The following GRIK1 variants were observed in gnomAD, a reference collection of about 807,000 sequenced individuals.
GRIK1 encodes glutamate receptor ionotropic, kainate 1.
A neutral mutation model predicts 105.7 loss-of-function variants in GRIK1; 69 were observed. That is an observed-to-expected ratio of 0.65 (90% CI 0.54 to 0.80). GRIK1 has a LOEUF of 0.80. Among genes scored for constraint, GRIK1 ranks in the 30% least tolerant of loss-of-function variants. GRIK1 has a pLI of 0.00. For missense variants in GRIK1, 1,109 were observed against 1,167.3 expected (o/e 0.95, Z 0.73); for synonymous variants, 438 against 431.3 (o/e 1.02, Z -0.19).
chr21:29,760,063 T>A (rs1056173411), intron 1 of GRIK1: 4 of 152,246 alleles, frequency 2.6e-5, no homozygotes, highest in African/African-American at 9.6e-5. Flanking sequence ...CTTCTGTTTA[T>A]AGGTGAGAAA....
At chr21:29,541,210 C>A (rs879256419) in intron 16 of GRIK1, among the ~76,000 whole-genome samples, 3 of 152,164 alleles carry the variant, frequency 2.0e-5, no homozygotes, top group African/African-American at 7.2e-5. Flanking sequence ...TCATGATCCA[C>A]CCCCCTTGGC....
At chr21:29,730,007 C>A (rs988515171) in intron 1 of GRIK1, among the ~76,000 whole-genome samples, 1 of 152,188 alleles carries the variant, frequency 6.6e-6, no homozygotes, top group Non-Finnish European at 1.5e-5. Context: ...ACTATTATAG[C>A]AAACATGTCA....
intron 1 of GRIK1, among the ~76,000 whole-genome samples, chr21:29,782,285 A>T (rs1204038278): frequency 6.6e-6 from 1 of 151,322 alleles, no homozygotes; most frequent in Non-Finnish European, 1.5e-5. Flanking sequence ...ACAGGGTTTC[A>T]CCGTGTTAGC....
At chr21:29,691,974 G>A (rs868672414) in intron 2 of GRIK1, among the ~76,000 whole-genome samples, 3 of 152,118 alleles carry the variant, frequency 2.0e-5, no homozygotes, top group Admixed American at 6.5e-5. Context: ...TTATTTTCTG[G>A]TTAGGTTTTC....
At position 29,939,725 on chromosome 21, in the gene GRIK1, C is replaced by T. The variant is rs746514765; in HGVS notation, c.-225G>A. Reference sequence around the variant, plus strand: ...CCTCAGTGCTGTCGCTAGCCCATCACGGCTCCTCCTCCTCCTCTTCCATGG... The same window carrying T: ...CCTCAGTGCTGTCGCTAGCCCATCATGGCTCCTCCTCCTCCTCTTCCATGG... On this transcript the variant is annotated 5_prime_UTR_variant, in exon 1 of 18. The change creates a new upstream start codon in the 5' untranslated region. Transcript: ENST00000327783. 57 of 415,782 alleles carry T rather than the reference C, an allele frequency of 1.4e-4. No homozygotes were observed. The highest frequency in any genetic ancestry group is 2.3e-4 in the Non-Finnish European group (55 of 236,036). 25.8% of individuals were successfully genotyped at this position (415,782 alleles called of 1,614,324 possible).
intron 7 of GRIK1, among the ~76,000 whole-genome samples, chr21:29,636,054 A>G (rs2062392232): frequency 6.6e-6 from 1 of 152,170 alleles, no homozygotes; most frequent in Non-Finnish European, 1.5e-5. Context: ...AGCCCAGCCC[A>G]GCGAGATCTG....
Position 29,687,222 on chromosome 21 carries a change from C to T in GRIK1, c.544+2506G>A, listed in dbSNP as rs572541209. Among the ~76,000 whole-genome samples, 5 of 152,290 alleles carry T rather than the reference C, an allele frequency of 3.3e-5. 1 individual carries two copies. Among genetic ancestry groups the T allele is most frequent in the African/African-American group, 1.2e-4 (5 of 41,560 alleles). ...CCGCGACATCTGTGTTGGCTTCAGGCTATTTAACAAACTCCTAAACAAATC... is the reference window on the plus strand; with the variant it reads ...CCGCGACATCTGTGTTGGCTTCAGGTTATTTAACAAACTCCTAAACAAATC... On this transcript the variant is annotated intron_variant, in intron 3 of 17. Coordinates refer to ENST00000327783, the MANE Select transcript of GRIK1 (RefSeq NM_001330994.2).
chr21:29,926,726 T>A (rs1183019216), intron 1 of GRIK1, among the ~76,000 whole-genome samples: 1 of 152,212 alleles, frequency 6.6e-6, no homozygotes, highest in Middle Eastern at 3.4e-3. Flanking sequence ...GATTTCTGGG[T>A]CTGATTTCTT....
At chr21:29,546,360 G>A (rs919474994) in intron 16 of GRIK1, among the ~76,000 whole-genome samples, 2 of 152,252 alleles carry the variant, frequency 1.3e-5, no homozygotes, top group Non-Finnish European at 2.9e-5. Flanking sequence ...CTGCCATTCC[G>A]GAGACAGTGG....
chr21:29,791,274 T>C (rs1413188218), intron 1 of GRIK1, among the ~76,000 whole-genome samples: 2 of 151,822 alleles, frequency 1.3e-5, no homozygotes, highest in Admixed American at 6.6e-5. Context: ...GCTGGAGATA[T>C]CTCCCGATTA....
intron 12 of GRIK1, among the ~76,000 whole-genome samples, chr21:29,582,042 G>T: frequency 6.6e-6 from 1 of 152,152 alleles, no homozygotes; most frequent in Non-Finnish European, 1.5e-5. Flanking sequence ...GAGTCTAAGT[G>T]GTGGTCTAGC....
chr21:29,740,198 T>C (rs1306969602), intron 1 of GRIK1, among the ~76,000 whole-genome samples: 2 of 151,524 alleles, frequency 1.3e-5, no homozygotes, highest in Non-Finnish European at 1.5e-5. Flanking sequence ...CCACTGCTCC[T>C]CATGCTGCCC....
intron 4 of GRIK1, among the ~76,000 whole-genome samples, chr21:29,672,021 C>T (rs948466580): frequency 4.6e-5 from 7 of 151,696 alleles, no homozygotes; most frequent in African/African-American, 1.2e-4. Context: ...GGGTGAGAAG[C>T]ACCAGTCTGC....
At chr21:29,553,549 A>G (rs1394539171) in intron 16 of GRIK1, 1 of 1,527,786 alleles carries the variant, frequency 6.5e-7, no homozygotes, top group Non-Finnish European at 8.8e-7. Flanking sequence ...TTTTTTTTTA[A>G]ACTGATTACA....
intron 1 of GRIK1, among the ~76,000 whole-genome samples, chr21:29,923,211 C>G (rs1323084849): frequency 6.6e-6 from 1 of 152,028 alleles, no homozygotes; most frequent in African/African-American, 2.4e-5. Flanking sequence ...TTCAAAAGGC[C>G]CTAGAGAAGT....
chr21:29,635,057 G>T (rs1186514395), intron 7 of GRIK1, among the ~76,000 whole-genome samples: 1 of 152,180 alleles, frequency 6.6e-6, no homozygotes, highest in African/African-American at 2.4e-5. Context: ...AGGGCAGTGG[G>T]CAAAGAAGGT....
rs916830428 is a variant in GRIK1 at position 29,598,930 on chromosome 21, C to T, written c.1106G>A (p.Trp369Ter). The T allele has an allele frequency of 1.3e-6, 2 of 1,533,016 alleles. No homozygotes were observed. Among genetic ancestry groups the T allele is most frequent in the Non-Finnish European group, 1.8e-6 (2 of 1,118,814 alleles). 95.0% of individuals were successfully genotyped at this position (1,533,016 alleles called of 1,614,324 possible). A position where few individuals can be genotyped will look rare whatever the true frequency, so the allele number is the denominator to read the frequency against. The change falls in exon 8 of 18, where the codon TGG (tryptophan) becomes TAG (stop). Residue 369 changes from tryptophan (W) to a stop codon, truncating the protein, a stop_gained. Transcript: ENST00000327783. LOFTEE classifies it high-confidence loss of function. The part of the protein sequence containing the change: ...RFMNLIKEAR[W>*]DGLTGHITFN... Reference sequence around the variant, plus strand: ...GGTGATATGCCCAGTCAAGCCATCCCACCGGGCCTGTGGACAAGAAGAAAT... The same window carrying T: ...GGTGATATGCCCAGTCAAGCCATCCTACCGGGCCTGTGGACAAGAAGAAAT...
chr21:29,860,781 A>G (rs1308393166), intron 1 of GRIK1, among the ~76,000 whole-genome samples: 1 of 152,220 alleles, frequency 6.6e-6, no homozygotes, highest in Non-Finnish European at 1.5e-5. Context: ...ATCTAGATCC[A>G]TAGTTTTCAA....
chr21:29,685,028 T>TTGTC (rs1020300209), intron 3 of GRIK1, among the ~76,000 whole-genome samples: 15 of 152,294 alleles, frequency 9.8e-5, no homozygotes, highest in Admixed American at 7.9e-4. Flanking sequence ...GTTTATCTCC[T>TTGTC]TGTCTGTCTG....
Sources: gnomAD v4.1 joint callset for allele counts (sites outside exome capture counted in the v4.1 genomes callset) on GRCh38, gnomAD v4.1.1 for gene constraint, MANE v1.5 for transcripts, NCBI Gene and HGNC (gene_info 2026-07-23, HGNC 2026-07-21) for gene names.